The following PTPRD variants were observed in gnomAD, a reference collection of about 807,000 sequenced individuals.
PTPRD encodes the protein receptor-type tyrosine-protein phosphatase delta.
In PTPRD, 34 loss-of-function variants were observed where a neutral mutation model predicts 214.5. The ratio of observed to expected loss-of-function variants is 0.16; its 90% CI spans 0.12 to 0.21. The LOEUF (loss-of-function observed/expected upper bound fraction) is 0.21, where lower values mean the gene tolerates loss of function less well. PTPRD is among the 10% of genes least tolerant of loss of function. The pLI, the probability that PTPRD is intolerant of heterozygous loss-of-function variation, is 1.00. For missense variants in PTPRD, 2,545 were observed against 2,398.7 expected (o/e 1.06, Z -1.27); for synonymous variants, 1,128 against 845.7 (o/e 1.33, Z -5.79).
intron 3 of PTPRD, among the ~76,000 whole-genome samples, chr9:10,139,292 A>G (rs2154265394): frequency 6.6e-6 from 1 of 152,152 alleles, no homozygotes; most frequent in South Asian, 2.1e-4. Context: ...AGCAATGAAA[A>G]AAAAATGCCC....
intron 11 of PTPRD, among the ~76,000 whole-genome samples, chr9:8,794,265 G>C (rs2096336739): frequency 6.6e-6 from 1 of 152,030 alleles, no homozygotes; most frequent in Non-Finnish European, 1.5e-5. Flanking sequence ...GCAGATGGAA[G>C]TGCAATATGT....
chr9:10,544,387 T>G (rs1302920214), intron 2 of PTPRD, among the ~76,000 whole-genome samples: 1 of 152,186 alleles, frequency 6.6e-6, no homozygotes, highest in African/African-American at 2.4e-5. Flanking sequence ...ATCGGCATAC[T>G]ACTATAATAG....
intron 14 of PTPRD, among the ~76,000 whole-genome samples, chr9:8,573,708 T>G (rs2091749222): frequency 6.6e-6 from 1 of 151,946 alleles, no homozygotes; most frequent in African/African-American, 2.4e-5. Context: ...CCAAAAAAGT[T>G]GCATAATTTT....
At chr9:9,906,012 A>G (rs2077482993) in intron 5 of PTPRD, among the ~76,000 whole-genome samples, 1 of 151,932 alleles carries the variant, frequency 6.6e-6, no homozygotes, top group South Asian at 2.1e-4. Context: ...AAGTCTTTGT[A>G]ACTTGAAGTA....
At chr9:8,523,627 C>T (rs1430022168) in intron 18 of PTPRD, 103 bp from the exon 19 acceptor site, 4 of 1,249,618 alleles carry the variant, frequency 3.2e-6, no homozygotes, top group East Asian at 2.4e-5. Context: ...AGGCTTTCAA[C>T]TGCTACTTGA....
intron 35 of PTPRD, among the ~76,000 whole-genome samples, chr9:8,435,042 G>A (rs1458329207): frequency 1.3e-5 from 2 of 152,166 alleles, no homozygotes; most frequent in African/African-American, 4.8e-5. Flanking sequence ...ACTTCACCAA[G>A]AGGCAAGGAA....
chr9:10,138,289 G>C (rs971813334), intron 3 of PTPRD, among the ~76,000 whole-genome samples: 1 of 151,940 alleles, frequency 6.6e-6, no homozygotes, highest in South Asian at 2.1e-4. Context: ...GAAATCCAGA[G>C]GACATGAATA....
intron 27 of PTPRD, among the ~76,000 whole-genome samples, chr9:8,490,829 T>C (rs2097134759): frequency 6.6e-6 from 1 of 152,148 alleles, no homozygotes; most frequent in South Asian, 2.1e-4. Context: ...TAAACAAATA[T>C]CCCACAATCA....
intron 2 of PTPRD, among the ~76,000 whole-genome samples, chr9:10,386,055 C>A (rs544297522): frequency 2.0e-5 from 3 of 151,332 alleles, no homozygotes; most frequent in African/African-American, 7.3e-5. Context: ...CCCAATTTTT[C>A]GAACTGTTTT....
At chr9:8,521,208 C>T (rs1182128128) in intron 20 of PTPRD, 69 bp downstream of exon 20, 1 of 1,511,138 alleles carries the variant, frequency 6.6e-7, no homozygotes, top group Non-Finnish European at 8.9e-7. Flanking sequence ...CAAGGATGGG[C>T]TTTCTAGAGG....
chr9:9,184,834 T>C (rs947906283), intron 9 of PTPRD, among the ~76,000 whole-genome samples: 1 of 152,092 alleles, frequency 6.6e-6, no homozygotes, highest in Non-Finnish European at 1.5e-5. Flanking sequence ...ATAAGATGTA[T>C]CATGAAAATT....
intron 10 of PTPRD, among the ~76,000 whole-genome samples, chr9:9,144,301 G>A (rs993759895): frequency 3.9e-5 from 6 of 152,130 alleles, no homozygotes; most frequent in African/African-American, 9.7e-5. Context: ...GCTGTGAGAT[G>A]ATTTACTGCA....
At chr9:9,412,904 T>C (rs1490621878) in intron 8 of PTPRD, among the ~76,000 whole-genome samples, 1 of 151,982 alleles carries the variant, frequency 6.6e-6, no homozygotes, top group Non-Finnish European at 1.5e-5. Flanking sequence ...AACAGATGAA[T>C]AAATCTCACT....
chr9:9,430,840 G>C (rs2082806991), intron 8 of PTPRD, among the ~76,000 whole-genome samples: 1 of 152,152 alleles, frequency 6.6e-6, no homozygotes, highest in Admixed American at 6.5e-5. Context: ...TGGGAAAACT[G>C]GCTAGCCATA....
At chr9:10,424,556 T>A (rs904588447) in intron 2 of PTPRD, among the ~76,000 whole-genome samples, 6 of 151,958 alleles carry the variant, frequency 3.9e-5, no homozygotes, top group African/African-American at 9.7e-5. Context: ...GATGCTCTCC[T>A]GACGCTTACT....
chr9:9,245,094 C>G (rs1380065880), intron 9 of PTPRD, among the ~76,000 whole-genome samples: 5 of 152,302 alleles, frequency 3.3e-5, no homozygotes, highest in Middle Eastern at 3.4e-3. Context: ...GAGATATCGT[C>G]TCATACCAGT....
At chr9:9,561,674 C>A (rs1167415449) in intron 8 of PTPRD, among the ~76,000 whole-genome samples, 1 of 152,158 alleles carries the variant, frequency 6.6e-6, no homozygotes, top group Non-Finnish European at 1.5e-5. Context: ...CTCTTACTTT[C>A]CAAACAAAAG....
At chr9:8,326,067 C>T (rs1192669596) in intron 44 of PTPRD, among the ~76,000 whole-genome samples, 1 of 152,192 alleles carries the variant, frequency 6.6e-6, no homozygotes, top group Non-Finnish European at 1.5e-5. Flanking sequence ...TTATTTCTTT[C>T]TGTTGCCTGA....
At chr9:8,391,873 T>A (rs890055518) in intron 36 of PTPRD, among the ~76,000 whole-genome samples, 2 of 152,140 alleles carry the variant, frequency 1.3e-5, no homozygotes, top group African/African-American at 4.8e-5. Flanking sequence ...ATCAGACCCA[T>A]CCAACCCTCT....
Sources: gnomAD v4.1 joint callset for allele counts (sites outside exome capture counted in the v4.1 genomes callset) on GRCh38, gnomAD v4.1.1 for gene constraint, MANE v1.5 for transcripts, NCBI Gene and HGNC (gene_info 2026-07-23, HGNC 2026-07-21) for gene names.